Variants in MRRF observed in about 807,000 individuals in gnomAD.
MRRF encodes mitochondrial ribosome recycling factor.
In MRRF, 18 loss-of-function variants were observed where a neutral mutation model predicts 25.1. The observed-to-expected ratio is 0.72, with a 90% CI of 0.50 to 1.06. MRRF has a LOEUF of 1.06. MRRF is among the 50% of genes least tolerant of loss of function. The pLI is 0.00. For synonymous variants in MRRF, 113 were observed against 112.1 expected, an observed-to-expected ratio of 1.01 and a Z score of -0.05; for missense variants, 323 against 319.3, an observed-to-expected ratio of 1.01 and a Z score of -0.09.
rs556102279 is a variant in MRRF, at chr9:122,279,159, C to G, written c.185-1284C>G. On this transcript the variant is annotated intron_variant, in intron 2 of 6. Transcript: ENST00000344641. ...GTGCTGGGATTATAGGCATGAGCCACTGCGCCCAGCCCCACATCTTCTATC... is the reference window on the plus strand; with the variant it reads ...GTGCTGGGATTATAGGCATGAGCCAGTGCGCCCAGCCCCACATCTTCTATC... Among the ~76,000 whole-genome samples, 3 of 152,358 alleles carry G rather than the reference C, an allele frequency of 2.0e-5. No homozygotes were observed. The South Asian group carries it at 6.2e-4, about 32-fold the overall frequency.
chr9:122,284,520 C>T (rs1833265344), intron 3 of MRRF, among the ~76,000 whole-genome samples: 1 of 152,134 alleles, frequency 6.6e-6, no homozygotes, highest in Non-Finnish European at 1.5e-5. Flanking sequence ...ATAAATAACT[C>T]ACCTGAGGTT....
chr9:122,311,760 A>G (rs1835219525), intron 5 of MRRF, among the ~76,000 whole-genome samples: 1 of 152,222 alleles, frequency 6.6e-6, no homozygotes, highest in African/African-American at 2.4e-5. Flanking sequence ...CAATATTGAA[A>G]TACTTCAGTA....
rs548463102 is a variant in MRRF at position 122,329,433 on chromosome 9, G to GATTC, written c.*6828_*6831dup. On this transcript the variant is annotated 3_prime_UTR_variant, in exon 7 of 7. Transcript: ENST00000344641. ...CATTATCCATCCCGATGCTTCTCCT[G>GATTC]ATTCATTCATTCATTATCCATACCG... The GATTC allele has an allele frequency of 6.6e-6, 1 of 152,130 alleles. No homozygotes were observed. Among genetic ancestry groups the GATTC allele is most frequent in the Non-Finnish European group, 1.5e-5 (1 of 68,060 alleles). The allele number at this position is 152,130 out of a possible 1,614,324, so 9.4% of individuals were successfully genotyped here. A position where few individuals can be genotyped will look rare whatever the true frequency, so the allele number is the denominator to read the frequency against.
intron 5 of MRRF, among the ~76,000 whole-genome samples, chr9:122,309,069 A>G (rs1835048940): frequency 6.6e-6 from 1 of 152,142 alleles, no homozygotes; most frequent in South Asian, 2.1e-4. Context: ...CCTGGTAACT[A>G]CTATTCTACT....
intron 5 of MRRF, among the ~76,000 whole-genome samples, chr9:122,297,803 G>T (rs2118854934): frequency 6.6e-6 from 1 of 152,228 alleles, no homozygotes; most frequent in South Asian, 2.1e-4. Flanking sequence ...TAGAGACATG[G>T]ACATTTCAGG....
rs1160358646 is a variant in MRRF at position 122,327,126 on chromosome 9, T to C, written c.*4509T>C. The C allele has an allele frequency of 2.0e-5, 3 of 152,210 alleles. No individual in the cohort carries two copies. Among genetic ancestry groups the C allele is most frequent in the South Asian group, 2.1e-4 (1 of 4,832 alleles). The allele number at this position is 152,210 out of a possible 1,614,324, so 9.4% of individuals were successfully genotyped here. On this transcript the variant is annotated 3_prime_UTR_variant, in exon 7 of 7. Coordinates refer to ENST00000344641, the MANE Select transcript of MRRF (RefSeq NM_138777.5). ...GTAAAATAGCATAGTACCTGGCACA[T>C]TGTAAACACCAAAGAAATGGTAGCT...
chr9:122,269,580 C>T (rs980575328), intron 1 of MRRF, among the ~76,000 whole-genome samples: 3 of 151,612 alleles, frequency 2.0e-5, no homozygotes, highest in African/African-American at 2.4e-5. Flanking sequence ...CAAAAAAATT[C>T]GCTGGGCATG....
chr9:122,276,876 T>A (rs953868766), intron 2 of MRRF, among the ~76,000 whole-genome samples: 1 of 152,200 alleles, frequency 6.6e-6, no homozygotes, highest in Non-Finnish European at 1.5e-5. Context: ...TCTCCTTTTT[T>A]GTTGTTTTTT....
chr9:122,311,391 C>T (rs923044723), intron 5 of MRRF, among the ~76,000 whole-genome samples: 3 of 152,134 alleles, frequency 2.0e-5, no homozygotes, highest in African/African-American at 7.2e-5. Flanking sequence ...CTTGTAGTAT[C>T]TTTTTGATTA....
At chr9:122,305,222 C>T (rs1834759027) in intron 5 of MRRF, among the ~76,000 whole-genome samples, 1 of 151,910 alleles carries the variant, frequency 6.6e-6, no homozygotes, top group Non-Finnish European at 1.5e-5. Context: ...ACCAGCCTGG[C>T]CAACATAGCG....
chr9:122,315,058 A>G (rs748794174), intron 6 of MRRF, among the ~76,000 whole-genome samples: 1 of 151,708 alleles, frequency 6.6e-6, no homozygotes, highest in Non-Finnish European at 1.5e-5. Flanking sequence ...CTAGCATTTT[A>G]CTAGTAGGAC....
chr9:122,275,695 A>G (rs1687089749), intron 2 of MRRF, among the ~76,000 whole-genome samples: 1 of 151,916 alleles, frequency 6.6e-6, no homozygotes, highest in African/African-American at 2.4e-5. Context: ...ATCATGCAGT[A>G]TTTTTCTGTG....
intron 2 of MRRF, among the ~76,000 whole-genome samples, chr9:122,276,513 C>T (rs1203308825): frequency 6.6e-6 from 1 of 152,136 alleles, no homozygotes; most frequent in Non-Finnish European, 1.5e-5. Flanking sequence ...TTAAACATTT[C>T]CATTATGCAT....
At chr9:122,295,155 A>G (rs1447870533) in intron 5 of MRRF, among the ~76,000 whole-genome samples, 1 of 152,234 alleles carries the variant, frequency 6.6e-6, no homozygotes, top group African/African-American at 2.4e-5. Context: ...AGGACTTGCC[A>G]TATATGCTTA....
Position 122,322,785 on chromosome 9 carries a change from A to G in MRRF, c.*168A>G, listed in dbSNP as rs1451414862. ...TCCAGGGGAACACTCAGACATGTTCATTCTCTTCCTGCTTCTGCTCTGGGC... is the reference window on the plus strand; with the variant it reads ...TCCAGGGGAACACTCAGACATGTTCGTTCTCTTCCTGCTTCTGCTCTGGGC... On this transcript the variant is annotated 3_prime_UTR_variant, in exon 7 of 7. Transcript: ENST00000344641. 4.3e-6 allele frequency: 3 copies of G among 704,876 alleles called. No individual in the cohort carries two copies. Among genetic ancestry groups the G allele is most frequent in the East Asian group, 2.7e-5 (1 of 36,904 alleles). The allele number at this position is 704,876 out of a possible 1,614,324, so 43.7% of individuals were successfully genotyped here.
chr9:122,282,715 G>GA (rs1306396359), intron 3 of MRRF, among the ~76,000 whole-genome samples: 5 of 152,316 alleles, frequency 3.3e-5, no homozygotes, highest in African/African-American at 1.2e-4. Flanking sequence ...TTGCTTATAG[G>GA]AAGTATTCAG....
chr9:122,322,483 TC>T, intron 6 of MRRF, 56 bp from the exon 7 acceptor site: 1 of 1,464,714 alleles, frequency 6.8e-7, no homozygotes. Flanking sequence ...GGAATATTCA[TC>T]CCCCTACCCT....
At chr9:122,294,234 C>T (rs1319143600) in intron 5 of MRRF, among the ~76,000 whole-genome samples, 1 of 152,148 alleles carries the variant, frequency 6.6e-6, no homozygotes, top group Non-Finnish European at 1.5e-5. Context: ...ACTAAATGCT[C>T]ATTGCTGATT....
At chr9:122,271,764 C>T (rs924813528) in intron 2 of MRRF, among the ~76,000 whole-genome samples, 9 of 152,106 alleles carry the variant, frequency 5.9e-5, no homozygotes, top group African/African-American at 2.2e-4. Flanking sequence ...CCTAACAGGG[C>T]CTGGATTTAG....
Sources: allele counts gnomAD v4.1 joint callset (sites outside exome capture counted in the v4.1 genomes callset), GRCh38; gene constraint gnomAD v4.1.1; transcripts MANE v1.5; gene names NCBI Gene and HGNC (gene_info 2026-07-23, HGNC 2026-07-21).